Variants in DUOX2 observed in about 807,000 individuals in gnomAD.
The protein encoded by DUOX2 is dual oxidase 2.
DUOX2 carries 185 observed loss-of-function variants against 183.3 expected under a neutral mutation model. The ratio of observed to expected loss-of-function variants is 1.01; its 90% CI spans 0.90 to 1.14. The LOEUF (loss-of-function observed/expected upper bound fraction) is 1.14, where lower values mean the gene tolerates loss of function less well. DUOX2 is among the 50% of genes most tolerant of loss of function. The pLI, the probability that DUOX2 is intolerant of heterozygous loss-of-function variation, is 0.00. For synonymous variants in DUOX2, 788 were observed against 812.4 expected (o/e 0.97, Z 0.51); for missense variants, 1,999 against 2,022.9 (o/e 0.99, Z 0.23).
Position 45,112,612 on chromosome 15 carries a change from C to T in DUOX2, c.267G>A (p.Thr89=). 1 of 1,612,830 alleles carries T rather than the reference C, an allele frequency of 6.2e-7. No homozygotes were observed. Among genetic ancestry groups the T allele is most frequent in the Non-Finnish European group, 8.5e-7 (1 of 1,179,786 alleles). Residue 89 remains threonine (T), a synonymous_variant, in exon 4 of 34, where the codon ACG becomes ACA. Coordinates refer to ENST00000389039, the MANE Select transcript of DUOX2 (RefSeq NM_001363711.2). ...GCGACGGCAGGCCGGCTATGCCCCG[C>T]GTGGCTGCGTTGCTGAGCCGGCGCG... ...PNPRRLSNAA[T]RGIAGLPSLH...
At chr15:45,104,599 C>A (rs906418580) in intron 18 of DUOX2, among the ~76,000 whole-genome samples, 1 of 152,084 alleles carries the variant, frequency 6.6e-6, no homozygotes. Flanking sequence ...GAACTTCATG[C>A]AGTGGGCATG....
In DUOX2 at chr15:45,094,065, T is replaced by A; in HGVS notation, c.*85A>T. 2 of 1,593,790 alleles carry A rather than the reference T, an allele frequency of 1.3e-6. No homozygotes were observed. Among genetic ancestry groups the A allele is most frequent in the Non-Finnish European group, 1.7e-6 (2 of 1,162,672 alleles). Reference sequence around the variant, plus strand: ...AGCTGAGGCCTAAGGTGGATTCTGATGGAGAGATTGCCAGCAGGGCTGGGC... The same window carrying A: ...AGCTGAGGCCTAAGGTGGATTCTGAAGGAGAGATTGCCAGCAGGGCTGGGC... On this transcript the variant is annotated 3_prime_UTR_variant, in exon 34 of 34. Coordinates refer to ENST00000389039, the MANE Select transcript of DUOX2 (RefSeq NM_001363711.2).
At chr15:45,110,598 T>C (rs1894359064) in intron 8 of DUOX2, 52 bp downstream of exon 8, 19 of 1,613,646 alleles carry the variant, frequency 1.2e-5, no homozygotes, top group Non-Finnish European at 1.5e-5. Flanking sequence ...GGCACCTGTC[T>C]CCTTCCCCTC....
Position 45,108,772 on chromosome 15 carries a change from T to A in DUOX2, c.1398+17A>T. ...AGGAAAGCTTTAGCTGCCATTATTA[T>A]CATTACTATTCCTGACCTGGGGGTC... On this transcript the variant is annotated intron_variant, in intron 12 of 33. Transcript: ENST00000389039. 1 of 1,614,006 alleles carries A rather than the reference T, an allele frequency of 6.2e-7. No homozygotes were observed. Among genetic ancestry groups the A allele is most frequent in the Non-Finnish European group, 8.5e-7 (1 of 1,179,844 alleles).
chr15:45,096,058 C>T lies in DUOX2; in HGVS notation c.3850G>A (p.Val1284Met). Residue 1284 changes from valine to methionine, a missense_variant and splice_region_variant, in exon 30 of 34, where the codon GTG becomes ATG. By Grantham distance (21) the Val-to-Met change is conservative. This residue lies in a region of DUOX2 where 1,628 missense variants were observed against 1,608.6 expected (regional missense o/e 1.01). Transcript: ENST00000389039. ...GGCCTCTGGAATTGCAGGTAGGTCA[C>T]TCCTGGAGGTCATAGACAGGGAAAA... ...VVKAELLPSG[V>M]TYLQFQRPQG... 3.1e-6 allele frequency: 5 copies of T among 1,613,554 alleles called. No homozygotes were observed. Among genetic ancestry groups the T allele is most frequent in the Non-Finnish European group, 4.2e-6 (5 of 1,179,492 alleles).
chr15:45,098,048 G>T lies in DUOX2; in HGVS notation c.3526C>A (p.Pro1176Thr). The T allele has an allele frequency of 6.2e-7, 1 of 1,614,092 alleles. No individual in the cohort carries two copies. The highest frequency in any genetic ancestry group is 1.1e-5 in the South Asian group (1 of 91,076). ...AAGAACCACCAATAGAACTTCTGGGGAAGCTTGGACCTGGGGGGCAAAGGC... is the reference window on the plus strand; with the variant it reads ...AAGAACCACCAATAGAACTTCTGGGTAAGCTTGGACCTGGGGGGCAAAGGC... ...NVFVNDGSKL[P>T]QKFYWWFFQT... is the part of the protein sequence containing the mutation. Residue 1176 changes from proline (P) to threonine (T), a missense_variant, in exon 27 of 34, where the codon CCC becomes ACC. Pro to Thr is a conservative substitution (Grantham distance 38). Coordinates refer to ENST00000389039, the MANE Select transcript of DUOX2 (RefSeq NM_001363711.2).
Position 45,094,925 on chromosome 15 carries a change from C to T in DUOX2, c.4395+11G>A. 1 of 1,613,776 alleles carries T rather than the reference C, an allele frequency of 6.2e-7. No homozygotes were observed. Among genetic ancestry groups the T allele is most frequent in the Non-Finnish European group, 8.5e-7 (1 of 1,179,674 alleles). On this transcript the variant is annotated intron_variant, in intron 32 of 33. Coordinates refer to ENST00000389039, the MANE Select transcript of DUOX2 (RefSeq NM_001363711.2). ...CCGCCAAGTTGCCCTGCCTGGCGGGCCCTGACATACTAGCATGGTGGTCCT... is the reference window on the plus strand; with the variant it reads ...CCGCCAAGTTGCCCTGCCTGGCGGGTCCTGACATACTAGCATGGTGGTCCT...
chr15:45,100,454 G>T, intron 23 of DUOX2: 1 of 610,176 alleles, frequency 1.6e-6, no homozygotes, highest in Non-Finnish European at 2.9e-6. Flanking sequence ...CCTCCTGTCT[G>T]TTTTATCCTT....
chr15:45,104,053 C>T lies in DUOX2; in HGVS notation c.2561G>A (p.Gly854Asp), dbSNP rs1296928111. 3.1e-6 allele frequency: 5 copies of T among 1,613,832 alleles called. No individual in the cohort carries two copies. Among genetic ancestry groups the T allele is most frequent in the Non-Finnish European group, 4.2e-6 (5 of 1,179,968 alleles). ...FLDILVVFMK[G>D]SPEDKSRLMF... ...TAGACGGGACTTATCCTCTGGGGAG[C>T]CTGGGAAGAAAAAAGGGAATGCAGG... Residue 854 changes from glycine to aspartate, a missense_variant and splice_region_variant, in exon 20 of 34, where the codon GGC becomes GAC. Gly to Asp is a moderately conservative substitution (Grantham distance 94, BLOSUM62 -1). This residue lies in a region of DUOX2 where 1,628 missense variants were observed against 1,608.6 expected (regional missense o/e 1.01). Transcript: ENST00000389039.
In DUOX2 at chr15:45,108,778, C is replaced by T. The variant is rs1189500410; in HGVS notation, c.1398+11G>A. On this transcript the variant is annotated intron_variant, in intron 12 of 33. Coordinates refer to ENST00000389039, the MANE Select transcript of DUOX2 (RefSeq NM_001363711.2). ...GCTTTAGCTGCCATTATTATCATTA[C>T]TATTCCTGACCTGGGGGTCCACATT... 6.2e-7 allele frequency: 1 copy of T among 1,614,196 alleles called. No individual in the cohort carries two copies. Among genetic ancestry groups the T allele is most frequent in the African/African-American group, 1.3e-5 (1 of 75,068 alleles).
At chr15:45,113,131 A>G in intron 2 of DUOX2, 55 bp from the exon 3 acceptor site, 1 of 1,571,958 alleles carries the variant, frequency 6.4e-7, no homozygotes, top group Middle Eastern at 1.7e-4. Context: ...ACCCCTCCCG[A>G]GCAACGAAGG....
At chr15:45,110,031 G>A in intron 9 of DUOX2, 51 bp from the exon 10 acceptor site, 6 of 1,573,718 alleles carry the variant, frequency 3.8e-6, no homozygotes, top group Non-Finnish European at 5.2e-6. Context: ...AAGAATCAAA[G>A]ATGGGGTTGA....
chr15:45,104,123 A>G lies in DUOX2; in HGVS notation c.2560+17T>C, dbSNP rs375243988. The G allele has an allele frequency of 2.7e-5, 43 of 1,613,900 alleles. No homozygotes were observed. The highest frequency in any genetic ancestry group is 3.5e-5 in the Non-Finnish European group (41 of 1,179,940). ...CCCCTGGATTCTTGGATAGCCTGCC[A>G]CCTCCCAGCCCCCTACCTTTCATGA... On this transcript the variant is annotated intron_variant, in intron 19 of 33. Transcript: ENST00000389039.
At chr15:45,106,503 C>T (rs184242931) in intron 16 of DUOX2, 25 bp downstream of exon 16, 3 of 1,611,354 alleles carry the variant, frequency 1.9e-6, no homozygotes, top group East Asian at 2.2e-5. Flanking sequence ...GTCCCTCCTC[C>T]CTCCTCTGCC....
At chr15:45,102,510 C>T (rs1201459779) in intron 20 of DUOX2, among the ~76,000 whole-genome samples, 3 of 152,204 alleles carry the variant, frequency 2.0e-5, no homozygotes, top group Non-Finnish European at 4.4e-5. Flanking sequence ...CCTGCAGTAG[C>T]CAAGCTCTAT....
In DUOX2 at chr15:45,094,573, A is replaced by G. The variant is rs1455849142; in HGVS notation, c.4514T>C (p.Val1505Ala). The G allele has an allele frequency of 6.2e-7, 1 of 1,613,412 alleles. No homozygotes were observed. The highest frequency in any genetic ancestry group is 8.5e-7 in the Non-Finnish European group (1 of 1,179,806). Reference protein sequence around the residue: ...FEPFFNSLQEVHPQVRKIGVF... With the variant: ...FEPFFNSLQEAHPQVRKIGVF... ...GGGAGTGGGACTGACCTGTGGGTGG[A>G]CCTCCTGCAGGGAGTTGAAGAAGGG... The change falls in exon 33 of 34, where the codon GTC (valine) becomes GCC (alanine). Residue 1505 changes from valine to alanine, a missense_variant. Val to Ala is a moderately conservative substitution (Grantham distance 64, BLOSUM62 0). Around this residue, in one of 3 missense-constraint regions of DUOX2, gnomAD observed 1,628 missense variants for 1,608.6 expected, o/e 1.01. Transcript: ENST00000389039.
rs148718959 is a variant in DUOX2, at chr15:45,098,056, G to A, written c.3518C>T (p.Ser1173Phe). 103 of 1,613,976 alleles carry A rather than the reference G, an allele frequency of 6.4e-5. 1 individual carries two copies. The highest frequency in any genetic ancestry group is 8.0e-5 in the Non-Finnish European group (94 of 1,179,994). The change falls in exon 27 of 34, where the codon TCC (serine) becomes TTC (phenylalanine). Residue 1173 changes from serine (S) to phenylalanine (F), a missense_variant and splice_region_variant. Coordinates refer to ENST00000389039, the MANE Select transcript of DUOX2 (RefSeq NM_001363711.2). ...CCAATAGAACTTCTGGGGAAGCTTG[G>A]ACCTGGGGGGCAAAGGCACCTTGAG... ...IFPNVFVNDG[S>F]KLPQKFYWWF...
intron 11 of DUOX2, 110 bp from the exon 12 acceptor site, chr15:45,109,062 C>T (rs1353683215): frequency 1.5e-6 from 2 of 1,372,058 alleles, no homozygotes; most frequent in Admixed American, 1.9e-5. Flanking sequence ...TGGCTACCCC[C>T]AGTGATCCAC....
chr15:45,109,591 C>T lies in DUOX2; in HGVS notation c.1167G>A (p.Glu389=), dbSNP rs1226003164. 1.2e-6 allele frequency: 2 copies of T among 1,614,018 alleles called. No homozygotes were observed. The highest frequency in any genetic ancestry group is 2.7e-5 in the African/African-American group (2 of 74,898). Residue 389 remains glutamate (E), a synonymous_variant, in exon 11 of 34, where the codon GAG becomes GAA. Transcript: ENST00000389039. Reference sequence around the variant, plus strand: ...TCTGGGAGGCCATTCCCAGCAGCAGCTCATTCACCTCCTGGGTACTGTTCA... The same window carrying T: ...TCTGGGAGGCCATTCCCAGCAGCAGTTCATTCACCTCCTGGGTACTGTTCA... ...PNLNSTQEVN[E]LLLGMASQIS...
Sources: gnomAD v4.1 joint callset for allele counts (sites outside exome capture counted in the v4.1 genomes callset) on GRCh38, gnomAD v4.1.1 for gene constraint, gnomAD v4.1.1 regional missense constraint, MANE v1.5 for transcripts, NCBI Gene and HGNC (gene_info 2026-07-23, HGNC 2026-07-21) for gene names.